The following TRPM7 variants were observed in gnomAD, a reference collection of about 807,000 sequenced individuals.
TRPM7 encodes LTRPC ion channel family member 7.
TRPM7 carries 134 observed loss-of-function variants against 229.7 expected under a neutral mutation model. The observed-to-expected ratio is 0.58, with a 90% CI of 0.51 to 0.67. The LOEUF (loss-of-function observed/expected upper bound fraction) is 0.67, where lower values mean the gene tolerates loss of function less well. TRPM7 is among the 30% of genes least tolerant of loss of function. The pLI is 0.00. For synonymous variants in TRPM7, 699 were observed against 715.2 expected (o/e 0.98, Z 0.36); for missense variants, 1,901 against 2,210.0 (o/e 0.86, Z 2.80).
chr15:50,662,741 A>G (rs569077706), intron 2 of TRPM7, among the ~76,000 whole-genome samples: 1 of 152,320 alleles, frequency 6.6e-6, no homozygotes, highest in South Asian at 2.1e-4. Flanking sequence ...GAACACTTCA[A>G]GGAAGAGATT....
At chr15:50,579,133 C>G (rs1393536227) in intron 30 of TRPM7, among the ~76,000 whole-genome samples, 2 of 152,104 alleles carry the variant, frequency 1.3e-5, no homozygotes, top group Non-Finnish European at 2.9e-5. Context: ...ATATTTCTCC[C>G]AATGTTAACT....
chr15:50,686,484 C>T lies in TRPM7; in HGVS notation c.3+47G>A, dbSNP rs757637067. On this transcript the variant is annotated intron_variant, in intron 1 of 38. Coordinates refer to ENST00000646667, the MANE Select transcript of TRPM7 (RefSeq NM_017672.6). Reference sequence around the variant, plus strand: ...CCTGCCAAGTCTCTCCTTTACCGCCCGCAACCCCAGAACCATTCCCCGCCC... The same window carrying T: ...CCTGCCAAGTCTCTCCTTTACCGCCTGCAACCCCAGAACCATTCCCCGCCC... The T allele has an allele frequency of 5.6e-6, 9 of 1,613,994 alleles. No homozygotes were observed. The East Asian group carries it at 1.3e-4, about 24-fold the overall frequency.
At chr15:50,679,538 ATTTTTT>A (rs58783893) in intron 1 of TRPM7, among the ~76,000 whole-genome samples, 649 of 43,904 alleles carry the variant, frequency 0.015, 11 homozygotes, top group Middle Eastern at 0.029. Context: ...ATATATATAT[ATTTTTT>A]TTTTTTTTTG....
intron 19 of TRPM7, among the ~76,000 whole-genome samples, chr15:50,609,373 TG>T (rs2060002971): frequency 6.6e-6 from 1 of 152,184 alleles, no homozygotes; most frequent in African/African-American, 2.4e-5. Flanking sequence ...AGTACATTTT[TG>T]GTTCCAATTA....
chr15:50,623,909 A>G (rs2060488919), intron 12 of TRPM7, among the ~76,000 whole-genome samples: 1 of 152,106 alleles, frequency 6.6e-6, no homozygotes, highest in Non-Finnish European at 1.5e-5. Flanking sequence ...TGATAAGGGG[A>G]GGGAAAGGGA....
Position 50,574,957 on chromosome 15 carries a change from G to C in TRPM7, c.4914C>G (p.Ile1638Met), listed in dbSNP as rs1464729929. ...TAATATAAAGATGCCCTGATTTGAGGATATCATGTTCTGACCAGGTACACT... is the reference window on the plus strand; with the variant it reads ...TAATATAAAGATGCCCTGATTTGAGCATATCATGTTCTGACCAGGTACACT... ...KVQCTWSEHDILKSGHLYIIK... is the reference protein window; with the variant it reads ...KVQCTWSEHDMLKSGHLYIIK... The change falls in exon 34 of 39, where the codon ATC (isoleucine) becomes ATG (methionine). Residue 1638 changes from isoleucine to methionine, a missense_variant. Ile to Met is a conservative substitution (Grantham distance 10, BLOSUM62 1). Around this residue, in one of 8 missense-constraint regions of TRPM7, gnomAD observed 257 missense variants for 352.0 expected, o/e 0.73. Coordinates refer to ENST00000646667, the MANE Select transcript of TRPM7 (RefSeq NM_017672.6). The C allele has an allele frequency of 1.2e-6, 2 of 1,614,066 alleles. No individual in the cohort carries two copies. Among genetic ancestry groups the C allele is most frequent in the Non-Finnish European group, 1.7e-6 (2 of 1,179,962 alleles).
At chr15:50,573,909 T>C (rs969476118) in intron 36 of TRPM7, among the ~76,000 whole-genome samples, 1 of 151,954 alleles carries the variant, frequency 6.6e-6, no homozygotes, top group Non-Finnish European at 1.5e-5. Flanking sequence ...ATACAAAAAT[T>C]AGCTGGGCGT....
intron 1 of TRPM7, among the ~76,000 whole-genome samples, chr15:50,677,756 AAAAAC>A (rs1567126818): frequency 1.3e-5 from 2 of 150,288 alleles, no homozygotes; most frequent in Non-Finnish European, 1.5e-5. Context: ...AAAAAAAAAA[AAAAAC>A]AAAAGGTAAC....
intron 1 of TRPM7, 110 bp downstream of exon 1, chr15:50,686,421 G>A (rs1596363379): frequency 1.9e-6 from 3 of 1,572,952 alleles, no homozygotes; most frequent in Non-Finnish European, 2.6e-6. Flanking sequence ...CAATTCGAGG[G>A]TCCTTCGCCG....
At chr15:50,659,025 C>T (rs888348733) in intron 2 of TRPM7, among the ~76,000 whole-genome samples, 1 of 151,940 alleles carries the variant, frequency 6.6e-6, no homozygotes, top group Non-Finnish European at 1.5e-5. Flanking sequence ...AGTGAAACCC[C>T]GTCTCTACTA....
At chr15:50,683,946 C>G (rs12148574) in intron 1 of TRPM7, among the ~76,000 whole-genome samples, 3,240 of 152,006 alleles carry the variant, frequency 0.021, 60 homozygotes, top group Non-Finnish European at 0.029. Context: ...CTGCAACCTC[C>G]GCCTCCAAGT....
chr15:50,594,194 A>G (rs1393898394), intron 24 of TRPM7, among the ~76,000 whole-genome samples: 1 of 152,232 alleles, frequency 6.6e-6, no homozygotes, highest in African/African-American at 2.4e-5. Context: ...TTCGGTTTAC[A>G]TTACCATTTT....
rs140754564 is a variant in TRPM7 at position 50,564,968 on chromosome 15, T to C, written c.5468-3160A>G. On this transcript the variant is annotated intron_variant, in intron 38 of 38. Transcript: ENST00000646667. ...CAAATCATCTCAACTTTAATTATAT[T>C]ATCTAGAAAATGAAGGATCTGGGCC... Among the ~76,000 whole-genome samples the C allele has an allele frequency of 1.9e-3, 290 of 152,012 alleles. 1 individual carries two copies. The highest frequency in any genetic ancestry group is 6.4e-3 in the African/African-American group (266 of 41,492).
chr15:50,592,757 C>T (rs1411735560), intron 25 of TRPM7, 131 bp from the exon 26 acceptor site: 2 of 635,128 alleles, frequency 3.1e-6, no homozygotes, highest in African/African-American at 3.7e-5. Flanking sequence ...AAATAAGGTA[C>T]AGTTATTTAA....
At chr15:50,583,241 G>T in intron 28 of TRPM7, 82 bp from the exon 29 acceptor site, 1 of 959,106 alleles carries the variant, frequency 1.0e-6, no homozygotes. Flanking sequence ...AAGTATTCTA[G>T]GCACAGTATA....
intron 3 of TRPM7, among the ~76,000 whole-genome samples, chr15:50,649,104 T>C (rs1056732440): frequency 2.6e-5 from 4 of 152,110 alleles, no homozygotes; most frequent in African/African-American, 4.8e-5. Context: ...ATCATCTAAA[T>C]TTAACATGAG....
In TRPM7 at chr15:50,661,136, C is replaced by T. The variant is rs561895217; in HGVS notation, c.83+1831G>A. 3.3e-3 allele frequency among the ~76,000 whole-genome samples: 504 copies of T among 152,172 alleles called. 12 individuals carry two copies. Among genetic ancestry groups the T allele is most frequent in the East Asian group, 7.7e-4 (4 of 5,166 alleles). Reference sequence around the variant, plus strand: ...GGATGACAGGTGCCCACTACCACGTCTGGCTAATTTTTGTATTTTTAGTAG... The same window carrying T: ...GGATGACAGGTGCCCACTACCACGTTTGGCTAATTTTTGTATTTTTAGTAG... On this transcript the variant is annotated intron_variant, in intron 2 of 38. Transcript: ENST00000646667.
At chr15:50,668,296 G>C (rs78017001) in intron 1 of TRPM7, among the ~76,000 whole-genome samples, 1 of 152,050 alleles carries the variant, frequency 6.6e-6, no homozygotes, top group South Asian at 2.1e-4. Context: ...CTGAATTAAT[G>C]TAAGACTCAT....
chr15:50,560,972 G>C lies in TRPM7; in HGVS notation c.*706C>G, dbSNP rs2053286845. On this transcript the variant is annotated 3_prime_UTR_variant, in exon 39 of 39. Coordinates refer to ENST00000646667, the MANE Select transcript of TRPM7 (RefSeq NM_017672.6). ...TACCATGGCTTTCTTCTACTTAACA[G>C]TGACTTGATAAAACAATGTTTAAAA... 1 of 152,394 alleles carries C rather than the reference G, an allele frequency of 6.6e-6. No individual in the cohort carries two copies. Among genetic ancestry groups the C allele is most frequent in the Non-Finnish European group, 1.5e-5 (1 of 68,022 alleles). The allele number at this position is 152,394 out of a possible 1,614,324, so 9.4% of individuals were successfully genotyped here.
Sources: allele counts gnomAD v4.1 joint callset (sites outside exome capture counted in the v4.1 genomes callset), GRCh38; gene constraint gnomAD v4.1.1; regional missense constraint gnomAD v4.1.1; transcripts MANE v1.5; gene names NCBI Gene and HGNC (gene_info 2026-07-23, HGNC 2026-07-21).